SORCS2: variants seen among roughly 807,000 people sequenced by gnomAD.
SORCS2 encodes sortilin related VPS10 domain containing receptor 2.
Under a neutral mutation model 141.6 loss-of-function variants are expected in SORCS2, and 100 were observed. That is an observed-to-expected ratio of 0.71 (90% confidence interval 0.60 to 0.83). The LOEUF is 0.83. Ranked by LOEUF, SORCS2 falls within the 40% of genes least tolerant of loss-of-function variation. The pLI is 0.00. For synonymous variants in SORCS2, 789 were observed against 676.9 expected (o/e 1.17, Z -2.57); for missense variants, 1,646 against 1,560.2 (o/e 1.05, Z -0.93).
intron 4 of SORCS2, among the ~76,000 whole-genome samples, chr4:7,650,103 A>T (rs1721337067): frequency 6.6e-6 from 1 of 152,200 alleles, no homozygotes; most frequent in Non-Finnish European, 1.5e-5. Context: ...TTCATTCTAG[A>T]CAGATGCTGA....
At chr4:7,511,340 AGAGG>A (rs1342103039) in intron 2 of SORCS2, among the ~76,000 whole-genome samples, 1 of 139,924 alleles carries the variant, frequency 7.1e-6, no homozygotes, top group Non-Finnish European at 1.6e-5. Context: ...ACAACTAGAG[AGAGG>A]GAGGGAGAGA....
At chr4:7,676,618 C>G (rs1199461060) in intron 9 of SORCS2, among the ~76,000 whole-genome samples, 1 of 151,834 alleles carries the variant, frequency 6.6e-6, no homozygotes, top group African/African-American at 2.4e-5. Flanking sequence ...CAGTGCTTCT[C>G]TCTGAGTGCC....
At chr4:7,541,048 AC>A (rs1387594507) in intron 3 of SORCS2, among the ~76,000 whole-genome samples, 3 of 152,160 alleles carry the variant, frequency 2.0e-5, no homozygotes, top group Admixed American at 2.0e-4. Flanking sequence ...CTTACCCTGG[AC>A]CTGCCATCTG....
At position 7,641,139 on chromosome 4, in the gene SORCS2, C is replaced by T. The variant is rs1324984290; in HGVS notation, c.813+2647C>T. ...TTCACACTCTTCCATATTCCTGTGCCTCTCTTTCTCAACACTGATCACAAT... is the reference window on the plus strand; with the variant it reads ...TTCACACTCTTCCATATTCCTGTGCTTCTCTTTCTCAACACTGATCACAAT... On this transcript the variant is annotated intron_variant, in intron 4 of 26. Transcript: ENST00000507866. 2.0e-5 allele frequency among the ~76,000 whole-genome samples: 3 copies of T among 152,214 alleles called. No homozygotes were observed. The East Asian group carries it at 5.8e-4, about 29-fold the overall frequency.
chr4:7,429,700 A>G (rs57764293), intron 2 of SORCS2, among the ~76,000 whole-genome samples: 24,836 of 152,070 alleles, frequency 0.16, 2,203 homozygotes, highest in African/African-American at 0.22. Flanking sequence ...AGGGATGAGG[A>G]CCCTGAACCA....
At chr4:7,227,436 G>A (rs1198244580) in intron 1 of SORCS2, among the ~76,000 whole-genome samples, 1 of 152,240 alleles carries the variant, frequency 6.6e-6, no homozygotes, top group Admixed American at 6.5e-5. Context: ...CTGCTCCAGA[G>A]CAGACGTAGC....
chr4:7,503,387 G>A (rs1413680581), intron 2 of SORCS2, among the ~76,000 whole-genome samples: 1 of 152,186 alleles, frequency 6.6e-6, no homozygotes, highest in African/African-American at 2.4e-5. Flanking sequence ...TTTGACTCAC[G>A]TCTGCTACAC....
At chr4:7,516,393 C>T in intron 2 of SORCS2, among the ~76,000 whole-genome samples, 1 of 152,178 alleles carries the variant, frequency 6.6e-6, no homozygotes, top group East Asian at 1.9e-4. Context: ...TTGTTAGGGG[C>T]TCTGGCTTCA....
At position 7,425,840 on chromosome 4, in the gene SORCS2, C is replaced by T. The variant is rs553780950; in HGVS notation, c.548+29485C>T. 5.9e-5 allele frequency among the ~76,000 whole-genome samples: 9 copies of T among 152,350 alleles called. No individual in the cohort carries two copies. The South Asian group carries it at 1.7e-3, about 28-fold the overall frequency. On this transcript the variant is annotated intron_variant, in intron 2 of 26. Transcript: ENST00000507866. ...GCAGGCAAGCATCCCGAGGCAGGGA[C>T]GGCCCATTGGATGGGGCCTAGGCTC...
At chr4:7,490,161 A>G (rs1731231660) in intron 2 of SORCS2, among the ~76,000 whole-genome samples, 1 of 152,140 alleles carries the variant, frequency 6.6e-6, no homozygotes, top group African/African-American at 2.4e-5. Context: ...AGAAGGGCCC[A>G]GGGGCCTCTC....
At chr4:7,324,556 C>T (rs1377828434) in intron 1 of SORCS2, among the ~76,000 whole-genome samples, 1 of 152,196 alleles carries the variant, frequency 6.6e-6, no homozygotes, top group East Asian at 1.9e-4. Flanking sequence ...TGCTCACTCT[C>T]CCGGCACACT....
intron 2 of SORCS2, among the ~76,000 whole-genome samples, chr4:7,406,900 A>C (rs779809665): frequency 2.6e-5 from 4 of 151,916 alleles, no homozygotes; most frequent in Non-Finnish European, 5.9e-5. Flanking sequence ...AGTTTGTTTC[A>C]AGAAATTTTA....
rs559395538 is a variant in SORCS2, at chr4:7,314,381, C to T, written c.481-81907C>T. On this transcript the variant is annotated intron_variant, in intron 1 of 26. Coordinates refer to ENST00000507866, the MANE Select transcript of SORCS2 (RefSeq NM_020777.3). ...TTGAGACGGAGTCTTGCTCAGTTGC[C>T]CAGGCTGGAGTGCAGTGGCGTGATC... Among the ~76,000 whole-genome samples the T allele has an allele frequency of 1.7e-4, 25 of 147,630 alleles. No homozygotes were observed. The East Asian group carries it at 4.9e-3, about 29-fold the overall frequency.
Position 7,640,251 on chromosome 4 carries a change from AGTGT to A in SORCS2, c.813+1762_813+1765del, listed in dbSNP as rs1372192015. Among the ~76,000 whole-genome samples, 75 of 118,022 alleles carry A rather than the reference AGTGT, an allele frequency of 6.4e-4. 2 individuals are homozygous for A. The East Asian group carries it at 0.017, about 27-fold the overall frequency. 77.4% of individuals were successfully genotyped at this position (118,022 alleles called of 152,430 possible). ...GCGTGTGTGTGTGAGAACCTATGTGAGTGTGTATGTATGTGAGCATGTGTGGGTG... is the reference window on the plus strand; with the variant it reads ...GCGTGTGTGTGTGAGAACCTATGTGAGTATGTATGTGAGCATGTGTGGGTG... On this transcript the variant is annotated intron_variant, in intron 4 of 26. Coordinates refer to ENST00000507866, the MANE Select transcript of SORCS2 (RefSeq NM_020777.3).
intron 2 of SORCS2, among the ~76,000 whole-genome samples, chr4:7,420,702 G>C (rs1158717469): frequency 6.6e-6 from 1 of 152,142 alleles, no homozygotes; most frequent in Non-Finnish European, 1.5e-5. Flanking sequence ...TAGCAAGCTA[G>C]GGCAGTGGCA....
At chr4:7,457,007 G>A (rs1012843869) in intron 2 of SORCS2, among the ~76,000 whole-genome samples, 1 of 152,156 alleles carries the variant, frequency 6.6e-6, no homozygotes, top group African/African-American at 2.4e-5. Flanking sequence ...GGCCGAGCCT[G>A]ACACTGGGCA....
chr4:7,609,734 C>T (rs1718285184), intron 3 of SORCS2, among the ~76,000 whole-genome samples: 2 of 152,208 alleles, frequency 1.3e-5, no homozygotes, highest in Admixed American at 1.3e-4. Context: ...CCACCCACCC[C>T]CACCGCCCCC....
chr4:7,732,997 TC>T (rs1711822291), intron 23 of SORCS2, among the ~76,000 whole-genome samples: 1 of 64,682 alleles, frequency 1.5e-5, no homozygotes, highest in Admixed American at 1.8e-4. Context: ...CCCCCAACTC[TC>T]CCCTACTTCC....
At chr4:7,285,710 G>A (rs1331411512) in intron 1 of SORCS2, among the ~76,000 whole-genome samples, 1 of 152,222 alleles carries the variant, frequency 6.6e-6, no homozygotes, top group Non-Finnish European at 1.5e-5. Flanking sequence ...CTTCTCGCTG[G>A]AGGACCAGAC....
Sources: allele counts gnomAD v4.1 joint callset (sites outside exome capture counted in the v4.1 genomes callset), GRCh38; gene constraint gnomAD v4.1.1; transcripts MANE v1.5; gene names NCBI Gene and HGNC (gene_info 2026-07-23, HGNC 2026-07-21).